CCDC190: variants seen among roughly 807,000 people sequenced by gnomAD.
CCDC190 encodes the protein coiled-coil domain containing 190, also known as coiled-coil domain-containing protein 190.
Under a neutral mutation model 13.1 loss-of-function variants are expected in CCDC190, and 10 were observed. That is an observed-to-expected ratio of 0.77 (90% CI 0.47 to 1.30). The LOEUF (loss-of-function observed/expected upper bound fraction) is 1.30, where lower values mean the gene tolerates loss of function less well. Ranked by LOEUF, CCDC190 falls within the 50% of genes most tolerant of loss-of-function variation. The pLI is 0.00. For synonymous variants in CCDC190, 136 were observed against 127.2 expected (o/e 1.07, Z -0.47); for missense variants, 375 against 354.3 (o/e 1.06, Z -0.47).
At chr1:162,861,270 T>C (rs1341864881), upstream of CCDC190, among the ~76,000 whole-genome samples, 1 of 152,134 alleles carries the variant, frequency 6.6e-6, no homozygotes, top group Non-Finnish European at 1.5e-5. Flanking sequence ...AGGCCAGAGC[T>C]CTAAATAGCT....
intron 1 of CCDC190, among the ~76,000 whole-genome samples, chr1:162,868,425 T>C (rs939209032): frequency 3.3e-4 from 50 of 152,224 alleles, no homozygotes; most frequent in Non-Finnish European, 6.3e-4. Flanking sequence ...TAGATTAAGA[T>C]TCATGTTGTC....
chr1:162,856,189 TAAG>T (rs1434586658), intron 2 of CCDC190, among the ~76,000 whole-genome samples: 4 of 152,294 alleles, frequency 2.6e-5, no homozygotes, highest in Admixed American at 6.5e-5. Flanking sequence ...AAAACTAATA[TAAG>T]AAGAAGAAAA....
chr1:162,868,068 A>G (rs74934181), intron 1 of CCDC190, among the ~76,000 whole-genome samples: 7 of 152,228 alleles, frequency 4.6e-5, no homozygotes, highest in African/African-American at 1.7e-4. Flanking sequence ...ATTTTATCTC[A>G]GTAAAGTTGA....
chr1:162,864,732 A>T (rs779194962), upstream of CCDC190, among the ~76,000 whole-genome samples: 1 of 152,174 alleles, frequency 6.6e-6, no homozygotes, highest in Non-Finnish European at 1.5e-5. Flanking sequence ...CAACCACTAA[A>T]ATAATATAAC....
chr1:162,859,737 G>T, intron 1 of CCDC190, 79 bp from the exon 2 acceptor site: 1 of 1,185,486 alleles, frequency 8.4e-7, no homozygotes, highest in Non-Finnish European at 1.2e-6. Flanking sequence ...TCAGAGATCA[G>T]TGGTAGAACC....
chr1:162,861,122 G>C lies in CCDC190; in HGVS notation c.-127C>G. On this transcript the variant is annotated 5_prime_UTR_variant, in exon 1 of 4. Coordinates refer to ENST00000367912, the MANE Select transcript of CCDC190 (RefSeq NM_001394065.1). The stretch of plus-strand genomic sequence containing the variant: ...AGTAAACTTAGGAGTTTGGTGTTTG[G>C]AGAAAGGATAGAGGGAGACCATTGG... 1.6e-6 allele frequency: 1 copy of C among 617,062 alleles called. No individual in the cohort carries two copies. Among genetic ancestry groups the C allele is most frequent in the South Asian group, 7.2e-5 (1 of 13,886 alleles). The allele number at this position is 617,062 out of a possible 1,614,324, so 38.2% of individuals were successfully genotyped here.
At position 162,854,804 on chromosome 1, in the gene CCDC190, C is replaced by T. The variant is rs774805555; in HGVS notation, c.867G>A (p.Glu289=). 1 of 1,613,278 alleles carries T rather than the reference C, an allele frequency of 6.2e-7. No homozygotes were observed. The highest frequency in any genetic ancestry group is 8.5e-7 in the Non-Finnish European group (1 of 1,179,370). The change falls in exon 4 of 4, where the codon GAG becomes GAA. Residue 289 remains glutamate, a synonymous_variant. Transcript: ENST00000367912. ...ACTTAGAAGGCACCCTGTTTTCACA[C>T]TCCTTTCCTGCCCTGGATGATGAGG... ...GESSSSRAGK[E]CENRVPSKFL...
rs140164338 is a variant in CCDC190, at chr1:162,866,843, G to A, written c.-13+1810C>T. The stretch of plus-strand genomic sequence containing the variant: ...AACACCAATATAATTTAATGGGGGG[G>A]AAAGAATATTCTTTTTACAAGTAGT... On this transcript the variant is annotated intron_variant, in intron 1 of 3. Coordinates refer to the CCDC190 transcript ENST00000367910. 9.2e-5 allele frequency among the ~76,000 whole-genome samples: 14 copies of A among 152,134 alleles called. No individual in the cohort carries two copies. In the East Asian group the frequency reaches 2.7e-3, roughly 29 times the overall value.
intron 1 of CCDC190, among the ~76,000 whole-genome samples, chr1:162,866,959 T>C (rs970194582): frequency 1.3e-5 from 2 of 152,118 alleles, no homozygotes; most frequent in African/African-American, 2.4e-5. Context: ...ATTGATTATA[T>C]ACCTTAACAT....
upstream of CCDC190, among the ~76,000 whole-genome samples, chr1:162,862,650 A>G (rs1221652739): frequency 6.6e-6 from 1 of 152,238 alleles, no homozygotes; most frequent in East Asian, 1.9e-4. Context: ...ATATCTATCT[A>G]TGGGAACATA....
chr1:162,857,181 C>A (rs1172279890), intron 2 of CCDC190, among the ~76,000 whole-genome samples: 1 of 152,148 alleles, frequency 6.6e-6, no homozygotes, highest in Non-Finnish European at 1.5e-5. Context: ...TTCTAAATAT[C>A]TTGAGATGCT....
chr1:162,868,201 C>T (rs1007081094), intron 1 of CCDC190, among the ~76,000 whole-genome samples: 4 of 152,044 alleles, frequency 2.6e-5, no homozygotes, highest in Non-Finnish European at 5.9e-5. Context: ...AGAAATGTTT[C>T]TAGATGTAGG....
At chr1:162,860,044 C>T (rs1157894444) in intron 1 of CCDC190, among the ~76,000 whole-genome samples, 1 of 151,942 alleles carries the variant, frequency 6.6e-6, no homozygotes, top group Admixed American at 6.6e-5. Context: ...TTCTTAAAGG[C>T]TCCCAAAGAG....
chr1:162,854,773 G>A lies in CCDC190; in HGVS notation c.898C>T (p.Pro300Ser). The change falls in exon 4 of 4, where the codon CCT becomes TCT. Residue 300 changes from proline to serine, a missense_variant. Pro to Ser is a moderately conservative substitution (Grantham distance 74). Coordinates refer to ENST00000367912, the MANE Select transcript of CCDC190 (RefSeq NM_001394065.1). ...CENRVPSKFL[P>S]L Reference sequence around the variant, plus strand: ...CAGGCTATGTTAAACGGTTAGAGAGGAAGAAACTTAGAAGGCACCCTGTTT... The same window carrying A: ...CAGGCTATGTTAAACGGTTAGAGAGAAAGAAACTTAGAAGGCACCCTGTTT... The A allele has an allele frequency of 1.2e-6, 2 of 1,607,336 alleles. No individual in the cohort carries two copies. Among genetic ancestry groups the A allele is most frequent in the Non-Finnish European group, 8.5e-7 (1 of 1,175,802 alleles).
upstream of CCDC190, among the ~76,000 whole-genome samples, chr1:162,862,016 G>T (rs1006939769): frequency 3.3e-5 from 5 of 152,102 alleles, no homozygotes; most frequent in Non-Finnish European, 7.4e-5. Flanking sequence ...GTGGGAGGTA[G>T]TTCCTTTCCC....
chr1:162,855,075 T>C lies in CCDC190; in HGVS notation c.596A>G (p.Asp199Gly). ...EQGPSSSPAS[D>G]SGMACADETR... ...CTCATCAGCACATGCCATTCCACTA[T>C]CACTAGCTGGGCTGGAACTAGGACC... Residue 199 changes from aspartate (D) to glycine (G), a missense_variant, in exon 4 of 4, where the codon GAT becomes GGT. By Grantham distance (94) the Asp-to-Gly change is moderately conservative. Transcript: ENST00000367912. 1 of 1,614,048 alleles carries C rather than the reference T, an allele frequency of 6.2e-7. No individual in the cohort carries two copies. The highest frequency in any genetic ancestry group is 8.5e-7 in the Non-Finnish European group (1 of 1,179,896).
intron 2 of CCDC190, 132 bp downstream of exon 2, chr1:162,859,328 A>T: frequency 6.5e-6 from 5 of 763,844 alleles, no homozygotes; most frequent in Non-Finnish European, 1.0e-5. Context: ...TAGGCAGCCT[A>T]AAGTCCTGGC....
intron 1 of CCDC190, among the ~76,000 whole-genome samples, chr1:162,860,160 A>G (rs1650453526): frequency 1.3e-5 from 2 of 152,170 alleles, no homozygotes; most frequent in African/African-American, 4.8e-5. Flanking sequence ...TTCAGCCTGT[A>G]ATCCTACTGT....
At chr1:162,865,582 A>T (rs1414635968), upstream of CCDC190, among the ~76,000 whole-genome samples, 1 of 152,180 alleles carries the variant, frequency 6.6e-6, no homozygotes, top group Non-Finnish European at 1.5e-5. Flanking sequence ...TAAGTAATTT[A>T]TAAGAACAGA....
Sources: allele counts gnomAD v4.1 joint callset (sites outside exome capture counted in the v4.1 genomes callset), GRCh38; gene constraint gnomAD v4.1.1; transcripts MANE v1.5; gene names NCBI Gene and HGNC (gene_info 2026-07-23, HGNC 2026-07-21).